The following FAR2 variants were observed in gnomAD, a reference collection of about 807,000 sequenced individuals.
FAR2 encodes the protein fatty acyl-CoA reductase 2, also known as epididymis secretory protein Li 81.
Under a neutral mutation model 56.0 loss-of-function variants are expected in FAR2, and 19 were observed. The ratio of observed to expected loss-of-function variants is 0.34; its 90% CI spans 0.24 to 0.50. The LOEUF (loss-of-function observed/expected upper bound fraction) is 0.50, where lower values mean the gene tolerates loss of function less well. Among genes scored for constraint, FAR2 ranks in the 20% least tolerant of loss-of-function variants. The probability of loss-of-function intolerance (pLI) is 0.98; values close to 1 mark genes in which losing one functional copy is unlikely to be tolerated. For synonymous variants in FAR2, 219 were observed against 218.8 expected, an observed-to-expected ratio of 1.00 and a Z score of -0.01; for missense variants, 508 against 642.2, an observed-to-expected ratio of 0.79 and a Z score of 2.26.
intron 5 of FAR2, among the ~76,000 whole-genome samples, chr12:29,308,740 A>G (rs1025150817): frequency 8.0e-5 from 12 of 150,416 alleles, no homozygotes; most frequent in African/African-American, 3.0e-4. Context: ...ATATGTATAT[A>G]TATCTGGCAT....
intron 1 of FAR2, among the ~76,000 whole-genome samples, chr12:29,162,002 C>T (rs1235763989): frequency 2.0e-5 from 3 of 152,070 alleles, no homozygotes; most frequent in Non-Finnish European, 2.9e-5. Flanking sequence ...TGTGGGTATA[C>T]GTTATATGTT....
intron 1 of FAR2, among the ~76,000 whole-genome samples, chr12:29,210,246 T>C (rs1010302718): frequency 1.3e-5 from 2 of 152,184 alleles, no homozygotes; most frequent in African/African-American, 4.8e-5. Context: ...ATTAGTTAAA[T>C]TAATTCTGTT....
chr12:29,318,621 A>G (rs1220150699), intron 9 of FAR2, among the ~76,000 whole-genome samples: 1 of 152,202 alleles, frequency 6.6e-6, no homozygotes, highest in Non-Finnish European at 1.5e-5. Context: ...GTGCTTGTGT[A>G]TACTCTCCTA....
intron 2 of FAR2, among the ~76,000 whole-genome samples, chr12:29,281,826 C>T (rs535361025): frequency 1.3e-5 from 2 of 150,624 alleles, no homozygotes; most frequent in South Asian, 4.2e-4. Context: ...AAGCACTGAA[C>T]CAGATGTGGA....
intron 1 of FAR2, among the ~76,000 whole-genome samples, chr12:29,158,404 TG>T (rs1489927546): frequency 6.6e-6 from 1 of 152,262 alleles, no homozygotes; most frequent in Non-Finnish European, 1.5e-5. Flanking sequence ...CAGGAATCTT[TG>T]ATGGCTTCAA....
rs79167940 is a variant in FAR2, at chr12:29,264,919, C to T, written c.-38-5493C>T. On this transcript the variant is annotated intron_variant, in intron 1 of 11. Transcript: ENST00000536681. ...GAAAAAGAAGTCCAGAAGGTAATCC[C>T]ATTTACAGTAGCTACAAATAAAAAA... Among the ~76,000 whole-genome samples the T allele has an allele frequency of 9.2e-3, 1,406 of 152,116 alleles. 18 individuals are homozygous for T. Among genetic ancestry groups the T allele is most frequent in the African/African-American group, 0.032 (1,339 of 41,502 alleles).
At chr12:29,320,315 G>T (rs570761879) in intron 9 of FAR2, among the ~76,000 whole-genome samples, 6 of 152,208 alleles carry the variant, frequency 3.9e-5, no homozygotes, top group African/African-American at 1.4e-4. Context: ...ATGTCCAACC[G>T]TTATTTTTAA....
intron 2 of FAR2, among the ~76,000 whole-genome samples, chr12:29,275,665 C>G (rs1948697454): frequency 6.6e-6 from 1 of 152,130 alleles, no homozygotes; most frequent in Non-Finnish European, 1.5e-5. Flanking sequence ...CACCTCTGGA[C>G]TTTGTTTTCC....
chr12:29,259,787 C>T (rs889244950), intron 1 of FAR2, among the ~76,000 whole-genome samples: 33 of 152,158 alleles, frequency 2.2e-4, no homozygotes, highest in Admixed American at 5.2e-4. Flanking sequence ...AGTAAAAATA[C>T]GCAGACTCAC....
chr12:29,308,101 C>T (rs966301044), intron 5 of FAR2: 1 of 305,578 alleles, frequency 3.3e-6, no homozygotes, highest in Admixed American at 4.9e-5. Flanking sequence ...TCAAAATTCA[C>T]ATGGGTGATG....
chr12:29,312,573 C>G (rs1456580029), intron 8 of FAR2, among the ~76,000 whole-genome samples: 1 of 152,090 alleles, frequency 6.6e-6, no homozygotes, highest in South Asian at 2.1e-4. Flanking sequence ...TAATAAGCAT[C>G]TAGATGATTC....
intron 1 of FAR2, among the ~76,000 whole-genome samples, chr12:29,207,893 G>C (rs183914276): frequency 2.3e-4 from 35 of 152,172 alleles, no homozygotes; most frequent in Non-Finnish European, 8.8e-5. Flanking sequence ...GTAAGTCTTT[G>C]CTTATTCATA....
At chr12:29,329,994 G>A (rs922404510) in intron 10 of FAR2, among the ~76,000 whole-genome samples, 3 of 151,686 alleles carry the variant, frequency 2.0e-5, no homozygotes, top group Admixed American at 2.0e-4. Context: ...AGTTTCATAG[G>A]ACTCGTTGTT....
chr12:29,186,812 G>A (rs1448326226), intron 1 of FAR2, among the ~76,000 whole-genome samples: 1 of 149,456 alleles, frequency 6.7e-6, no homozygotes, highest in Non-Finnish European at 1.5e-5. Flanking sequence ...ATTTTGAGAC[G>A]GAGTCTCGCT....
intron 1 of FAR2, among the ~76,000 whole-genome samples, chr12:29,174,278 C>T (rs972523568): frequency 6.6e-6 from 1 of 152,074 alleles, no homozygotes; most frequent in Non-Finnish European, 1.5e-5. Context: ...TCCCCCACCA[C>T]GATGGGGCTT....
chr12:29,213,654 C>A (rs1347825308), intron 1 of FAR2, among the ~76,000 whole-genome samples: 1 of 148,252 alleles, frequency 6.7e-6, no homozygotes, highest in Non-Finnish European at 1.5e-5. Flanking sequence ...CGTGCCACTG[C>A]ACTCCAGCCT....
intron 4 of FAR2, 122 bp from the exon 5 acceptor site, chr12:29,307,536 A>C: frequency 1.1e-6 from 1 of 950,830 alleles, no homozygotes; most frequent in South Asian, 1.7e-5. Context: ...GTATCATGTG[A>C]CTGTTCTGAA....
chr12:29,255,700 C>T (rs1948306344), intron 1 of FAR2, among the ~76,000 whole-genome samples: 1 of 152,060 alleles, frequency 6.6e-6, no homozygotes. Flanking sequence ...TCTCAGCTCA[C>T]TGCAACTTCT....
chr12:29,302,955 C>A (rs1318084801), intron 4 of FAR2, among the ~76,000 whole-genome samples: 7 of 152,108 alleles, frequency 4.6e-5, no homozygotes, highest in Admixed American at 3.9e-4. Flanking sequence ...CAAATTAACT[C>A]CAGATTAGAA....
Sources: allele counts gnomAD v4.1 joint callset (sites outside exome capture counted in the v4.1 genomes callset), GRCh38; gene constraint gnomAD v4.1.1; transcripts MANE v1.5; gene names NCBI Gene and HGNC (gene_info 2026-07-23, HGNC 2026-07-21).